The following GLIS3 variants were observed in gnomAD, a reference collection of about 807,000 sequenced individuals.
GLIS3 encodes GLIS family zinc finger 3, also known as zinc finger protein GLIS3.
In GLIS3, 53 loss-of-function variants were observed where a neutral mutation model predicts 78.6. The observed-to-expected ratio is 0.67, with a 90% CI of 0.54 to 0.85. GLIS3 has a LOEUF of 0.85. GLIS3 is among the 40% of genes least tolerant of loss of function. The pLI, the probability that GLIS3 is intolerant of heterozygous loss-of-function variation, is 0.00. For synonymous variants in GLIS3, 684 were observed against 509.9 expected (o/e 1.34, Z -4.60); for missense variants, 1,703 against 1,231.1 (o/e 1.38, Z -5.74).
chr9:4,102,807 G>A lies in GLIS3; in HGVS notation c.1710+14961C>T, dbSNP rs182139523. 2.5e-4 allele frequency among the ~76,000 whole-genome samples: 38 copies of A among 152,120 alleles called. 1 individual carries two copies. The East Asian group carries it at 6.8e-3, about 27-fold the overall frequency. ...ATGCTTTTTTTCGTAGTCAGTGGAT[G>A]GAAAACACACACAAACAAATACACA... On this transcript the variant is annotated intron_variant, in intron 4 of 10. Coordinates refer to ENST00000381971, the MANE Select transcript of GLIS3 (RefSeq NM_001042413.2).
intron 4 of GLIS3, among the ~76,000 whole-genome samples, chr9:4,020,516 A>T (rs1822799869): frequency 6.6e-6 from 1 of 152,304 alleles, no homozygotes. Flanking sequence ...GTATAAGAGC[A>T]TGATGTGTTT....
At chr9:4,108,943 A>G (rs749366945) in intron 4 of GLIS3, among the ~76,000 whole-genome samples, 1 of 152,152 alleles carries the variant, frequency 6.6e-6, no homozygotes, top group Non-Finnish European at 1.5e-5. Context: ...GTGCTGCCAG[A>G]GAAAGAAGCT....
intron 2 of GLIS3, among the ~76,000 whole-genome samples, chr9:4,310,775 T>G (rs1353662825): frequency 3.9e-5 from 6 of 152,206 alleles, no homozygotes; most frequent in African/African-American, 1.4e-4. Flanking sequence ...TGATGAGGAC[T>G]TGATCAGCAC....
chr9:4,015,166 C>A (rs1389118018), intron 4 of GLIS3, among the ~76,000 whole-genome samples: 1 of 152,150 alleles, frequency 6.6e-6, no homozygotes, highest in Non-Finnish European at 1.5e-5. Flanking sequence ...GAAAGGAAAT[C>A]TGAAAGATAT....
chr9:4,026,285 A>C (rs1364107335), intron 4 of GLIS3, among the ~76,000 whole-genome samples: 1 of 152,226 alleles, frequency 6.6e-6, no homozygotes, highest in Non-Finnish European at 1.5e-5. Flanking sequence ...AGTCTCAATC[A>C]TCAAGTCATA....
chr9:4,037,119 C>G lies in GLIS3; in HGVS notation c.1710+80649G>C, dbSNP rs112561758. On this transcript the variant is annotated intron_variant, in intron 4 of 10. Transcript: ENST00000381971. The stretch of plus-strand genomic sequence containing the variant: ...CATCTGAAAATGGGAATAGCTTTAC[C>G]TTCCTTACTGAATACTTTGAAGATT... Among the ~76,000 whole-genome samples the G allele has an allele frequency of 5.7e-3, 862 of 152,228 alleles. 6 individuals are homozygous for G. Among genetic ancestry groups the G allele is most frequent in the African/African-American group, 0.02 (816 of 41,530 alleles).
At chr9:4,158,455 G>C (rs1307680379) in intron 2 of GLIS3, among the ~76,000 whole-genome samples, 3 of 152,198 alleles carry the variant, frequency 2.0e-5, no homozygotes, top group Non-Finnish European at 4.4e-5. Context: ...TAAGAAAGAA[G>C]AGCTTCATTT....
intron 1 of GLIS3, among the ~76,000 whole-genome samples, chr9:4,294,431 C>T (rs752903549): frequency 1.3e-5 from 2 of 152,072 alleles, no homozygotes; most frequent in Admixed American, 6.5e-5. Context: ...ATCACTTGAA[C>T]CCAGGAGGGG....
At chr9:4,318,474 C>G (rs1817472371) in intron 2 of GLIS3, among the ~76,000 whole-genome samples, 1 of 152,108 alleles carries the variant, frequency 6.6e-6, no homozygotes. Flanking sequence ...AGAACGTAAA[C>G]CCTCAAAAAT....
In GLIS3 at chr9:3,911,591, A is replaced by G. The variant is rs80157491; in HGVS notation, c.1984-12756T>C. On this transcript the variant is annotated intron_variant, in intron 6 of 10. Coordinates refer to ENST00000381971, the MANE Select transcript of GLIS3 (RefSeq NM_001042413.2). ...AGTAACCACTTATAATAGCCTATCC[A>G]CAATATGGATCATAAAATATAAGAC... Among the ~76,000 whole-genome samples the G allele has an allele frequency of 5.8e-3, 881 of 152,370 alleles. 17 individuals carry two copies. The highest frequency in any genetic ancestry group is 0.021 in the African/African-American group (855 of 41,584).
At chr9:4,085,555 G>A (rs2130722551) in intron 4 of GLIS3, among the ~76,000 whole-genome samples, 1 of 152,166 alleles carries the variant, frequency 6.6e-6, no homozygotes, top group African/African-American at 2.4e-5. Context: ...ATCCTTCTGA[G>A]AACCATCAAA....
intron 2 of GLIS3, among the ~76,000 whole-genome samples, chr9:4,228,878 C>A (rs1309124570): frequency 2.0e-5 from 3 of 152,142 alleles, no homozygotes. Flanking sequence ...CAAAATCTAC[C>A]CACCAGAAGG....
At chr9:3,849,070 C>T (rs1175555985) in intron 9 of GLIS3, among the ~76,000 whole-genome samples, 2 of 152,108 alleles carry the variant, frequency 1.3e-5, no homozygotes, top group African/African-American at 2.4e-5. Flanking sequence ...GTTTTCCTAA[C>T]GAAATCTAGT....
rs557477975 is a variant in GLIS3 at position 4,074,102 on chromosome 9, G to C, written c.1710+43666C>G. 3.3e-5 allele frequency among the ~76,000 whole-genome samples: 5 copies of C among 152,284 alleles called. No individual in the cohort carries two copies. In the East Asian group the frequency reaches 9.6e-4, roughly 29 times the overall value. Reference sequence around the variant, plus strand: ...TCTCCAGCTCCCTTCCGCCGGACTGGTTCCTCATCCCAATGCAAGTCACAA... The same window carrying C: ...TCTCCAGCTCCCTTCCGCCGGACTGCTTCCTCATCCCAATGCAAGTCACAA... On this transcript the variant is annotated intron_variant, in intron 4 of 10. Transcript: ENST00000381971.
the GLIS3 span, among the ~76,000 whole-genome samples, chr9:4,358,459 T>C: frequency 0.019 from 2,959 of 152,312 alleles, 96 homozygotes; most frequent in African/African-American, 0.069. Context: ...GTATAGTTTT[T>C]GCTGGTAGTA....
At chr9:4,165,647 G>A (rs1043272549) in intron 2 of GLIS3, among the ~76,000 whole-genome samples, 2 of 152,214 alleles carry the variant, frequency 1.3e-5, no homozygotes, top group Admixed American at 1.3e-4. Context: ...TGCCTGATGG[G>A]CGTCACTCCA....
chr9:4,059,823 T>TGA (rs1323533281), intron 4 of GLIS3, among the ~76,000 whole-genome samples: 5 of 123,966 alleles, frequency 4.0e-5, no homozygotes, highest in African/African-American at 1.6e-4. Flanking sequence ...TGTGTGTGTG[T>TGA]GTGTGTGAGA....
At chr9:3,937,956 G>A (rs1825987090) in intron 4 of GLIS3, among the ~76,000 whole-genome samples, 2 of 152,154 alleles carry the variant, frequency 1.3e-5, no homozygotes, top group Admixed American at 1.3e-4. Flanking sequence ...TTCAATAAAT[G>A]TGTCACTGGT....
intron 2 of GLIS3, among the ~76,000 whole-genome samples, chr9:4,241,678 T>C (rs1823326889): frequency 6.8e-6 from 1 of 147,916 alleles, no homozygotes; most frequent in South Asian, 2.1e-4. Flanking sequence ...TTTTTTGTTT[T>C]TTGTTTTGTT....
Sources: gnomAD v4.1 joint callset for allele counts (sites outside exome capture counted in the v4.1 genomes callset) on GRCh38, gnomAD v4.1.1 for gene constraint, MANE v1.5 for transcripts, NCBI Gene and HGNC (gene_info 2026-07-23, HGNC 2026-07-21) for gene names.